Variants in NSMCE2 observed in about 807,000 individuals in gnomAD.
The protein encoded by NSMCE2 is NSE2 SUMO ligase component of SMC5/6 complex.
A neutral mutation model predicts 23.8 loss-of-function variants in NSMCE2; 24 were observed. The ratio of observed to expected loss-of-function variants is 1.01; its 90% CI spans 0.73 to 1.42. The LOEUF (loss-of-function observed/expected upper bound fraction) is 1.42. Ranked by LOEUF, NSMCE2 falls within the 40% of genes most tolerant of loss-of-function variation. The pLI, the probability that NSMCE2 is intolerant of heterozygous loss-of-function variation, is 0.00. For synonymous variants in NSMCE2, 92 were observed against 94.1 expected (o/e 0.98, Z 0.13); for missense variants, 284 against 296.5 (o/e 0.96, Z 0.31).
chr8:125,281,379 G>A (rs995347558), intron 5 of NSMCE2, among the ~76,000 whole-genome samples: 4 of 152,298 alleles, frequency 2.6e-5, no homozygotes, highest in African/African-American at 9.6e-5. Flanking sequence ...GTCACTAAAT[G>A]ACTAAAATTT....
At chr8:125,320,251 G>GGGAAGTAA (rs1829385808) in intron 5 of NSMCE2, among the ~76,000 whole-genome samples, 1 of 58,298 alleles carries the variant, frequency 1.7e-5, no homozygotes, top group Non-Finnish European at 3.1e-5. Flanking sequence ...GAGGGAGGGA[G>GGGAAGTAA]GGAAGGAAGG....
chr8:125,152,839 C>G (rs1418009875), intron 4 of NSMCE2, among the ~76,000 whole-genome samples: 1 of 152,082 alleles, frequency 6.6e-6, no homozygotes, highest in East Asian at 1.9e-4. Flanking sequence ...AGGCGGATCA[C>G]CTGAGGTCAG....
chr8:125,231,812 A>C (rs978868567), intron 5 of NSMCE2, among the ~76,000 whole-genome samples: 2 of 152,200 alleles, frequency 1.3e-5, no homozygotes. Flanking sequence ...TTATCAGTTT[A>C]TAAATCTGTT....
chr8:125,257,446 ACAGT>A (rs1382925988), intron 5 of NSMCE2, among the ~76,000 whole-genome samples: 1 of 152,008 alleles, frequency 6.6e-6, no homozygotes, highest in African/African-American at 2.4e-5. Context: ...TCAAATGTAA[ACAGT>A]CAGTCCAGTA....
chr8:125,207,538 T>G (rs1824162831), intron 5 of NSMCE2, among the ~76,000 whole-genome samples: 1 of 152,178 alleles, frequency 6.6e-6, no homozygotes, highest in African/African-American at 2.4e-5. Context: ...GAATAGAAAT[T>G]AGTATTGTGA....
chr8:125,266,282 G>A (rs897427286), intron 5 of NSMCE2, among the ~76,000 whole-genome samples: 1 of 151,914 alleles, frequency 6.6e-6, no homozygotes, highest in Non-Finnish European at 1.5e-5. Context: ...GTAGAGATGG[G>A]GTTTCTCCAT....
At chr8:125,117,084 AGATTT>A (rs560629865) in intron 3 of NSMCE2, among the ~76,000 whole-genome samples, 1 of 152,216 alleles carries the variant, frequency 6.6e-6, no homozygotes, top group African/African-American at 2.4e-5. Flanking sequence ...GAGCTTCATC[AGATTT>A]GCTTTTTTCT....
At chr8:125,244,581 A>G (rs745682864) in intron 5 of NSMCE2, among the ~76,000 whole-genome samples, 1 of 152,248 alleles carries the variant, frequency 6.6e-6, no homozygotes, top group Admixed American at 6.5e-5. Flanking sequence ...TACATCTTTA[A>G]AAATATCATA....
Position 125,251,585 on chromosome 8 carries a change from A to G in NSMCE2, c.418+69329A>G, listed in dbSNP as rs144650435. Among the ~76,000 whole-genome samples, 1,012 of 152,324 alleles carry G rather than the reference A, an allele frequency of 6.6e-3. 14 individuals carry two copies. The highest frequency in any genetic ancestry group is 0.023 in the African/African-American group (960 of 41,568). Reference sequence around the variant, plus strand: ...AGATTTTTTTCAAAACCTGACATTGACTTTTCCAAGTTTCCAGCATATATT... The same window carrying G: ...AGATTTTTTTCAAAACCTGACATTGGCTTTTCCAAGTTTCCAGCATATATT... On this transcript the variant is annotated intron_variant, in intron 5 of 7. Transcript: ENST00000287437.
chr8:125,187,712 T>C (rs1823168501), intron 5 of NSMCE2, among the ~76,000 whole-genome samples: 1 of 152,118 alleles, frequency 6.6e-6, no homozygotes, highest in South Asian at 2.1e-4. Context: ...CCCTTATGTT[T>C]TGAAAGTTTC....
chr8:125,295,924 T>G (rs1221693970), intron 5 of NSMCE2, among the ~76,000 whole-genome samples: 1 of 152,198 alleles, frequency 6.6e-6, no homozygotes, highest in African/African-American at 2.4e-5. Flanking sequence ...CTGAAGATCT[T>G]AAACTACTGC....
intron 5 of NSMCE2, among the ~76,000 whole-genome samples, chr8:125,226,366 C>T (rs933575211): frequency 2.0e-5 from 3 of 152,182 alleles, no homozygotes; most frequent in Non-Finnish European, 2.9e-5. Flanking sequence ...ATGGGACATT[C>T]GCGTGGGTCG....
intron 3 of NSMCE2, among the ~76,000 whole-genome samples, chr8:125,115,729 T>A (rs1328949706): frequency 6.6e-6 from 1 of 150,684 alleles, no homozygotes; most frequent in East Asian, 1.9e-4. Context: ...TCCGTCTCAA[T>A]AAAAAAAAAT....
intron 5 of NSMCE2, among the ~76,000 whole-genome samples, chr8:125,352,128 G>T (rs1235910875): frequency 6.6e-6 from 1 of 152,126 alleles, no homozygotes; most frequent in East Asian, 1.9e-4. Flanking sequence ...TATATGACGT[G>T]CTTAGCACTG....
intron 5 of NSMCE2, among the ~76,000 whole-genome samples, chr8:125,293,849 A>C (rs1439260715): frequency 6.6e-6 from 1 of 152,256 alleles, no homozygotes; most frequent in Non-Finnish European, 1.5e-5. Context: ...TAAAGTGTGC[A>C]GTAGACTGGG....
intron 5 of NSMCE2, among the ~76,000 whole-genome samples, chr8:125,241,197 C>T (rs538735029): frequency 6.6e-6 from 1 of 152,276 alleles, no homozygotes; most frequent in East Asian, 1.9e-4. Flanking sequence ...TTTGTATTTT[C>T]AGATTAAGGA....
At position 125,150,874 on chromosome 8, in the gene NSMCE2, G is replaced by A. The variant is rs1473561098; in HGVS notation, c.158-297G>A. 2.6e-5 allele frequency among the ~76,000 whole-genome samples: 4 copies of A among 152,146 alleles called. No individual in the cohort carries two copies. The East Asian group carries it at 5.8e-4, about 22-fold the overall frequency. On this transcript the variant is annotated intron_variant, in intron 3 of 7. Transcript: ENST00000287437. ...TAGTGATTGATTTAAGATCATGTAA[G>A]TAAGGGCACAGCCTGGAACTCCTTA...
At chr8:125,136,214 C>T (rs1373189842) in intron 3 of NSMCE2, among the ~76,000 whole-genome samples, 1 of 151,980 alleles carries the variant, frequency 6.6e-6, no homozygotes, top group Non-Finnish European at 1.5e-5. Flanking sequence ...AGAGTAACAC[C>T]AGACTTGTAC....
At chr8:125,114,762 T>C (rs1184118140) in intron 3 of NSMCE2, among the ~76,000 whole-genome samples, 1 of 152,232 alleles carries the variant, frequency 6.6e-6, no homozygotes, top group African/African-American at 2.4e-5. Flanking sequence ...CACACTAATG[T>C]ATGCATACAT....
Sources: gnomAD v4.1 joint callset for allele counts (sites outside exome capture counted in the v4.1 genomes callset) on GRCh38, gnomAD v4.1.1 for gene constraint, MANE v1.5 for transcripts, NCBI Gene and HGNC (gene_info 2026-07-23, HGNC 2026-07-21) for gene names.